SIRT3: variants seen among roughly 807,000 people sequenced by gnomAD.
The protein encoded by SIRT3 is sirtuin 3, also known as NAD-dependent protein deacetylase sirtuin-3, mitochondrial.
SIRT3 carries 26 observed loss-of-function variants against 33.5 expected under a neutral mutation model. That is an observed-to-expected ratio of 0.78 (90% CI 0.57 to 1.08). SIRT3 has a LOEUF of 1.08. Among genes scored for constraint, SIRT3 ranks in the 50% least tolerant of loss-of-function variants. SIRT3 has a pLI of 0.00. For synonymous variants in SIRT3, 237 were observed against 222.1 expected, an observed-to-expected ratio of 1.07 and a Z score of -0.60; for missense variants, 585 against 530.1, an observed-to-expected ratio of 1.10 and a Z score of -1.02.
At position 215,139 on chromosome 11, in the gene SIRT3, G is replaced by C. The variant is rs1276052537; in HGVS notation, c.*1559C>G. 6.5e-6 allele frequency: 1 copy of C among 154,424 alleles called. No individual in the cohort carries two copies. Among genetic ancestry groups the C allele is most frequent in the Admixed American group, 6.3e-5 (1 of 15,810 alleles). The allele number at this position is 154,424 out of a possible 1,614,324, so 9.6% of individuals were successfully genotyped here. ...TGTATGTGTAAATTATCAAATAAAG[G>C]GGCCAGGCACAGTGGCTCATGCCTG... On this transcript the variant is annotated 3_prime_UTR_variant, in exon 7 of 7. Transcript: ENST00000382743.
intron 4 of SIRT3, among the ~76,000 whole-genome samples, chr11:230,183 GC>G (rs1857726903): frequency 6.9e-6 from 1 of 145,156 alleles, no homozygotes. Flanking sequence ...CTGCACTCCA[GC>G]CTGGGCGACA....
At chr11:220,984 G>A (rs1353887353) in intron 5 of SIRT3, among the ~76,000 whole-genome samples, 5 of 105,768 alleles carry the variant, frequency 4.7e-5, no homozygotes, top group East Asian at 2.9e-4. Context: ...GATATTCACC[G>A]GAAGGCAAGT....
At chr11:234,051 G>C (rs1163239054) in intron 1 of SIRT3, 2 of 153,178 alleles carry the variant, frequency 1.3e-5, no homozygotes, top group East Asian at 3.8e-4. Context: ...TTGCTGTTGA[G>C]TGCCTGCTGA....
chr11:227,713 C>CT (rs1392620089), intron 4 of SIRT3, among the ~76,000 whole-genome samples: 1 of 152,046 alleles, frequency 6.6e-6, no homozygotes, highest in East Asian at 1.9e-4. Context: ...GCAACCTCCC[C>CT]TCCCAGGTTC....
chr11:236,859 C>G (rs1188840155), upstream of SIRT3: 29 of 604,876 alleles, frequency 4.8e-5, no homozygotes, highest in Non-Finnish European at 8.0e-5. Context: ...CTGCAAACGC[C>G]GGAGAGTTTT....
In SIRT3 at chr11:215,274, G is replaced by A. The variant is rs1430350737; in HGVS notation, c.*1424C>T. Among the ~76,000 whole-genome samples, 2 of 152,086 alleles carry A rather than the reference G, an allele frequency of 1.3e-5. No homozygotes were observed. Among genetic ancestry groups the A allele is most frequent in the South Asian group, 4.1e-4 (2 of 4,828 alleles). On this transcript the variant is annotated 3_prime_UTR_variant, in exon 7 of 7. Coordinates refer to ENST00000382743, the MANE Select transcript of SIRT3 (RefSeq NM_012239.6). ...TTGTCTCTATTACAAATATGCCCATGTGCTAGGTGTGGTGGGACACACCTG... is the reference window on the plus strand; with the variant it reads ...TTGTCTCTATTACAAATATGCCCATATGCTAGGTGTGGTGGGACACACCTG...
At chr11:219,222 G>A (rs1856085084) in intron 5 of SIRT3, among the ~76,000 whole-genome samples, 181 bp from the exon 6 acceptor site, 1 of 152,042 alleles carries the variant, frequency 6.6e-6, no homozygotes, top group Admixed American at 6.6e-5. Flanking sequence ...TGGCCTCCGT[G>A]ACGGTTTTCT....
intron 1 of SIRT3, among the ~76,000 whole-genome samples, chr11:234,538 C>T (rs894160037): frequency 6.6e-6 from 1 of 152,140 alleles, no homozygotes; most frequent in Non-Finnish European, 1.5e-5. Context: ...CCTCAGCCTC[C>T]CGAGTAGCTG....
At chr11:222,136 C>T (rs181888822) in intron 5 of SIRT3, among the ~76,000 whole-genome samples, 1 of 152,274 alleles carries the variant, frequency 6.6e-6, no homozygotes, top group African/African-American at 2.4e-5. Context: ...ACTGTGCTGA[C>T]CACCATGGCC....
At chr11:217,115 T>G (rs566510771) in intron 6 of SIRT3, among the ~76,000 whole-genome samples, 108 of 152,322 alleles carry the variant, frequency 7.1e-4, no homozygotes, top group Admixed American at 2.9e-3. Context: ...CTTCCAAAAC[T>G]CCACAGGAGC....
intron 5 of SIRT3, among the ~76,000 whole-genome samples, chr11:219,967 T>G (rs538053): frequency 0.058 from 8,763 of 152,302 alleles, 341 homozygotes; most frequent in Non-Finnish European, 0.075. Flanking sequence ...TAGTTTATAT[T>G]GCTAATTGAT....
chr11:216,573 G>C lies in SIRT3; in HGVS notation c.*125C>G. ...GAAGACATTCCAGTGGCAGCCTCGG[G>C]TGTCCACTCAGTTCACATATTCTGG... On this transcript the variant is annotated 3_prime_UTR_variant, in exon 7 of 7. Transcript: ENST00000382743. 9.6e-7 allele frequency: 1 copy of C among 1,038,306 alleles called. No homozygotes were observed. The highest frequency in any genetic ancestry group is 1.4e-5 in the South Asian group (1 of 72,406). The allele number at this position is 1,038,306 out of a possible 1,614,324, so 64.3% of individuals were successfully genotyped here.
Position 230,512 on chromosome 11 carries a change from TC to T in SIRT3, c.746del (p.Gly249GlufsTer24). The T allele has an allele frequency of 6.5e-7, 1 of 1,537,584 alleles. No homozygotes were observed. Among genetic ancestry groups the T allele is most frequent in the Non-Finnish European group, 8.8e-7 (1 of 1,141,924 alleles). Reference sequence around the variant, plus strand: ...CTGTGCAGGTGGCAGAGGCAAAGGTTCCATGAGCTTCAACCAGCTTTGAGGC... The same window carrying T: ...CTGTGCAGGTGGCAGAGGCAAAGGTTCATGAGCTTCAACCAGCTTTGAGGC... Reference protein sequence around the residue: ...IPASKLVEAHGTFASATCTVC... With the variant: ...IPASKLVEAHXTFASATCTVC... On this transcript the variant is annotated frameshift_variant, in exon 4 of 7. Transcript: ENST00000382743. LOFTEE classifies it high-confidence loss of function.
At chr11:220,163 C>G (rs1364400745) in intron 5 of SIRT3, among the ~76,000 whole-genome samples, 1 of 151,854 alleles carries the variant, frequency 6.6e-6, no homozygotes, top group Non-Finnish European at 1.5e-5. Flanking sequence ...AACCACGTCT[C>G]TACTAAAAAT....
At chr11:232,124 A>T (rs1429187465) in intron 3 of SIRT3, among the ~76,000 whole-genome samples, 8 of 150,468 alleles carry the variant, frequency 5.3e-5, no homozygotes, top group Non-Finnish European at 1.0e-4. Context: ...TTTTATTTTT[A>T]TTTATTTTTT....
intron 4 of SIRT3, among the ~76,000 whole-genome samples, chr11:228,182 C>A (rs998801772): frequency 6.6e-6 from 1 of 152,162 alleles, no homozygotes; most frequent in Non-Finnish European, 1.5e-5. Context: ...GTATGGCACC[C>A]AGTTGTAACT....
chr11:232,664 G>T (rs147808207), intron 3 of SIRT3, among the ~76,000 whole-genome samples: 1 of 152,052 alleles, frequency 6.6e-6, no homozygotes. Flanking sequence ...TTAAAAGAGA[G>T]AAGAAAAAAA....
chr11:232,914 C>T, intron 3 of SIRT3, 69 bp downstream of exon 3: 1 of 1,488,086 alleles, frequency 6.7e-7, no homozygotes, highest in Non-Finnish European at 9.3e-7. Flanking sequence ...ACCCGAGCCT[C>T]CCTGGGAGAA....
intron 4 of SIRT3, among the ~76,000 whole-genome samples, chr11:229,686 G>T (rs969195826): frequency 2.6e-5 from 4 of 151,986 alleles, no homozygotes; most frequent in African/African-American, 9.7e-5. Context: ...TTGAACCCGG[G>T]AGGCAGAGGT....
Sources: gnomAD v4.1 joint callset for allele counts (sites outside exome capture counted in the v4.1 genomes callset) on GRCh38, gnomAD v4.1.1 for gene constraint, MANE v1.5 for transcripts, NCBI Gene and HGNC (gene_info 2026-07-23, HGNC 2026-07-21) for gene names.